Variants in MLLT3 observed in about 807,000 individuals in gnomAD.
MLLT3 encodes the protein protein AF-9.
In MLLT3, 4 loss-of-function variants were observed where a neutral mutation model predicts 53.2. The ratio of observed to expected loss-of-function variants is 0.08; its 90% CI spans 0.04 to 0.17. The LOEUF (loss-of-function observed/expected upper bound fraction) is 0.17. Among genes scored for constraint, MLLT3 ranks in the 10% least tolerant of loss-of-function variants. The pLI is 1.00. For synonymous variants in MLLT3, 283 were observed against 230.6 expected (o/e 1.23, Z -2.06); for missense variants, 569 against 684.0 (o/e 0.83, Z 1.87).
chr9:20,619,825 G>A (rs1476085924), intron 2 of MLLT3, among the ~76,000 whole-genome samples: 1 of 152,220 alleles, frequency 6.6e-6, no homozygotes, highest in Non-Finnish European at 1.5e-5. Flanking sequence ...CAGAGGCCCA[G>A]TAGGATTATG....
At chr9:20,524,254 G>A (rs566616676) in intron 2 of MLLT3, among the ~76,000 whole-genome samples, 2 of 151,812 alleles carry the variant, frequency 1.3e-5, no homozygotes, top group Non-Finnish European at 2.9e-5. Context: ...TGTACCTTCT[G>A]CTTGGCTTTG....
intron 2 of MLLT3, among the ~76,000 whole-genome samples, chr9:20,516,159 T>A (rs985171829): frequency 6.6e-6 from 1 of 152,138 alleles, no homozygotes; most frequent in Non-Finnish European, 1.5e-5. Context: ...CGCTAAGGAC[T>A]CACCAATCCC....
intron 2 of MLLT3, among the ~76,000 whole-genome samples, chr9:20,615,080 A>G (rs1820792296): frequency 6.6e-6 from 1 of 152,200 alleles, no homozygotes; most frequent in Non-Finnish European, 1.5e-5. Context: ...ACAATGGCTC[A>G]TGCCTGTAAT....
chr9:20,609,146 T>C lies in MLLT3; in HGVS notation c.193+11508A>G, dbSNP rs554175126. 1.6e-4 allele frequency among the ~76,000 whole-genome samples: 25 copies of C among 152,176 alleles called. No homozygotes were observed. The South Asian group carries it at 2.7e-3, about 16-fold the overall frequency. On this transcript the variant is annotated intron_variant, in intron 2 of 10. Transcript: ENST00000380338. ...TTTTAAATGTCTGCATTTGTGTATT[T>C]TTGGATAAATTATCGGCTCTAGTCA...
intron 4 of MLLT3, chr9:20,415,304 C>A: frequency 5.0e-6 from 1 of 198,530 alleles, no homozygotes. Context: ...GTATTTTGAT[C>A]ATGAGAAAAG....
At chr9:20,409,010 T>G (rs927288662) in intron 5 of MLLT3, among the ~76,000 whole-genome samples, 1 of 152,152 alleles carries the variant, frequency 6.6e-6, no homozygotes, top group African/African-American at 2.4e-5. Flanking sequence ...TCAAGAAGGT[T>G]TTCTCCAAGA....
chr9:20,557,992 A>G (rs1819106443), intron 2 of MLLT3, among the ~76,000 whole-genome samples: 1 of 152,234 alleles, frequency 6.6e-6, no homozygotes, highest in Admixed American at 6.5e-5. Context: ...GACGATTGAT[A>G]CAGACATCAC....
intron 2 of MLLT3, among the ~76,000 whole-genome samples, chr9:20,615,418 A>G (rs1256678919): frequency 6.7e-6 from 1 of 149,104 alleles, no homozygotes; most frequent in Non-Finnish European, 1.5e-5. Context: ...AATAGTAGCT[A>G]TAAAATATGC....
chr9:20,506,079 CT>C (rs367556007), intron 2 of MLLT3, among the ~76,000 whole-genome samples: 56 of 148,480 alleles, frequency 3.8e-4, no homozygotes, highest in South Asian at 2.1e-3. Flanking sequence ...TTTTTTCTCT[CT>C]TTTTTTTTTT....
chr9:20,569,263 G>A (rs1015111687), intron 2 of MLLT3, among the ~76,000 whole-genome samples: 4 of 151,938 alleles, frequency 2.6e-5, no homozygotes, highest in African/African-American at 7.3e-5. Flanking sequence ...AACTCTTATC[G>A]TTCCCATTTT....
At position 20,345,374 on chromosome 9, in the gene MLLT3, T is replaced by C. The variant is rs10123995; in HGVS notation, c.*1069A>G. 0.096 allele frequency: 20,310 copies of C among 211,600 alleles called. 1,889 individuals carry two copies. The highest frequency in any genetic ancestry group is 0.27 in the African/African-American group (11,734 of 44,220). 13.1% of individuals were successfully genotyped at this position (211,600 alleles called of 1,614,324 possible). ...ACAAACAAAAATCTCTGATTCCAGATTTTTAGGATAAAGATGAGTAACACA... is the reference window on the plus strand; with the variant it reads ...ACAAACAAAAATCTCTGATTCCAGACTTTTAGGATAAAGATGAGTAACACA... On this transcript the variant is annotated 3_prime_UTR_variant, in exon 11 of 11. Coordinates refer to ENST00000380338, the MANE Select transcript of MLLT3 (RefSeq NM_004529.4).
At chr9:20,498,192 T>G (rs1170459155) in intron 2 of MLLT3, among the ~76,000 whole-genome samples, 1 of 122,862 alleles carries the variant, frequency 8.1e-6, no homozygotes, top group Admixed American at 1.1e-4. Flanking sequence ...GGCGCCACTG[T>G]ACTCCAGCCT....
intron 2 of MLLT3, among the ~76,000 whole-genome samples, chr9:20,554,184 C>CA (rs1818998472): frequency 6.6e-6 from 1 of 152,140 alleles, no homozygotes; most frequent in Non-Finnish European, 1.5e-5. Flanking sequence ...GAGACATTAA[C>CA]AATTTCAATC....
At chr9:20,376,480 T>C (rs1011175184) in intron 5 of MLLT3, among the ~76,000 whole-genome samples, 3 of 152,232 alleles carry the variant, frequency 2.0e-5, no homozygotes, top group Non-Finnish European at 2.9e-5. Context: ...GCCAAGATAA[T>C]TGGCTTGCAT....
chr9:20,609,293 T>C (rs1820643256), intron 2 of MLLT3, among the ~76,000 whole-genome samples: 1 of 152,088 alleles, frequency 6.6e-6, no homozygotes, highest in African/African-American at 2.4e-5. Flanking sequence ...TCAAAACAAC[T>C]TCAATTCAGC....
chr9:20,399,717 A>G (rs575693749), intron 5 of MLLT3, among the ~76,000 whole-genome samples: 17 of 152,294 alleles, frequency 1.1e-4, no homozygotes, highest in African/African-American at 4.1e-4. Context: ...AGAAAGAAAG[A>G]TAAGGATGAA....
At chr9:20,393,731 G>C (rs1029311700) in intron 5 of MLLT3, among the ~76,000 whole-genome samples, 2 of 152,028 alleles carry the variant, frequency 1.3e-5, no homozygotes, top group African/African-American at 4.8e-5. Context: ...AGTCATTATT[G>C]GATTTTTTCA....
At chr9:20,455,224 A>T (rs1823934737) in intron 3 of MLLT3, among the ~76,000 whole-genome samples, 1 of 152,258 alleles carries the variant, frequency 6.6e-6, no homozygotes, top group Non-Finnish European at 1.5e-5. Context: ...AAGAAAGATA[A>T]TCATTATTCT....
chr9:20,499,552 C>T (rs1419147310), intron 2 of MLLT3, among the ~76,000 whole-genome samples: 1 of 152,184 alleles, frequency 6.6e-6, no homozygotes, highest in Non-Finnish European at 1.5e-5. Context: ...TTGAAACAGT[C>T]CATTTTTGCT....
Sources: gnomAD v4.1 joint callset for allele counts (sites outside exome capture counted in the v4.1 genomes callset) on GRCh38, gnomAD v4.1.1 for gene constraint, MANE v1.5 for transcripts, NCBI Gene and HGNC (gene_info 2026-07-23, HGNC 2026-07-21) for gene names.